Variants in RNF6 observed in about 807,000 individuals in gnomAD.
RNF6 encodes the protein E3 ubiquitin-protein ligase RNF6.
Under a neutral mutation model 50.1 loss-of-function variants are expected in RNF6, and 21 were observed. The ratio of observed to expected loss-of-function variants is 0.42; its 90% CI spans 0.30 to 0.60. RNF6 has a LOEUF of 0.60. RNF6 is among the 20% of genes least tolerant of loss of function. The probability of loss-of-function intolerance (pLI) is 0.20; values close to 1 mark genes in which losing one functional copy is unlikely to be tolerated. For synonymous variants in RNF6, 255 were observed against 291.8 expected (o/e 0.87, Z 1.29); for missense variants, 698 against 838.2 (o/e 0.83, Z 2.07).
At chr13:26,157,597 GCAAAAAAAGC>G (rs1336832096) in intron 5 of RNF6, among the ~76,000 whole-genome samples, 1 of 151,930 alleles carries the variant, frequency 6.6e-6, no homozygotes, top group Admixed American at 6.6e-5. Flanking sequence ...TTTAAAAGGG[GCAAAAAAAGC>G]CAAACAAGTC....
Position 26,215,610 on chromosome 13 carries a change from T to A in RNF6, c.290-18A>T. On this transcript the variant is annotated intron_variant, in intron 4 of 4. Transcript: ENST00000381588. ...TTCTGAGTCTAGAAAGCAAAGCAAA[T>A]CAACTTAAGATCAATTCCTAAGACA... 1 of 1,575,388 alleles carries A rather than the reference T, an allele frequency of 6.3e-7. No individual in the cohort carries two copies. Among genetic ancestry groups the A allele is most frequent in the East Asian group, 2.2e-5 (1 of 44,722 alleles).
At chr13:26,147,652 C>A (rs952767645) in intron 5 of RNF6, among the ~76,000 whole-genome samples, 2 of 152,142 alleles carry the variant, frequency 1.3e-5, no homozygotes, top group Non-Finnish European at 2.9e-5. Flanking sequence ...TCATTCTTTC[C>A]CAATCCATGT....
chr13:26,146,677 A>G (rs1871263227), intron 5 of RNF6, among the ~76,000 whole-genome samples: 1 of 152,138 alleles, frequency 6.6e-6, no homozygotes, highest in Non-Finnish European at 1.5e-5. Flanking sequence ...TTCTCTATGG[A>G]CCACCTTTTC....
chr13:26,155,471 G>A (rs1319554811), intron 5 of RNF6, among the ~76,000 whole-genome samples: 2 of 152,062 alleles, frequency 1.3e-5, no homozygotes, highest in Non-Finnish European at 2.9e-5. Context: ...GTGGAGGATG[G>A]GGCAATAATA....
chr13:26,184,722 T>C (rs1322098647), intron 5 of RNF6, among the ~76,000 whole-genome samples: 1 of 152,186 alleles, frequency 6.6e-6, no homozygotes, highest in Admixed American at 6.5e-5. Context: ...CTCTGCCTTT[T>C]AAAGCTGTTC....
At chr13:26,179,114 A>G (rs959077) in intron 5 of RNF6, among the ~76,000 whole-genome samples, 57,099 of 152,040 alleles carry the variant, frequency 0.38, 11,829 homozygotes, top group East Asian at 0.7. Flanking sequence ...TTTCTGCTAA[A>G]GTTCCTAGTC....
At chr13:26,170,825 C>T (rs1431174741) in intron 5 of RNF6, among the ~76,000 whole-genome samples, 1 of 152,216 alleles carries the variant, frequency 6.6e-6, no homozygotes, top group Non-Finnish European at 1.5e-5. Context: ...ATTGGAGCCA[C>T]ACTTGTAAGT....
At chr13:26,175,760 C>T (rs913690807) in intron 5 of RNF6, among the ~76,000 whole-genome samples, 5 of 152,122 alleles carry the variant, frequency 3.3e-5, no homozygotes, top group Admixed American at 6.5e-5. Context: ...CCTCCTCCTA[C>T]GCAAGTGTGC....
chr13:26,157,213 A>T (rs1871973524), intron 5 of RNF6, among the ~76,000 whole-genome samples: 1 of 152,186 alleles, frequency 6.6e-6, no homozygotes, highest in Admixed American at 6.5e-5. Flanking sequence ...AATTGGGCAA[A>T]TTAAATGATA....
intron 5 of RNF6, among the ~76,000 whole-genome samples, chr13:26,179,849 C>T (rs1027604415): frequency 1.3e-5 from 2 of 152,192 alleles, no homozygotes; most frequent in African/African-American, 4.8e-5. Flanking sequence ...CTTCACTAGG[C>T]CCAGGAGGAC....
intron 5 of RNF6, among the ~76,000 whole-genome samples, chr13:26,202,979 T>G (rs1868951995): frequency 6.6e-6 from 1 of 152,240 alleles, no homozygotes; most frequent in Admixed American, 6.5e-5. Context: ...TATACCTGTA[T>G]CATCTTACTT....
At chr13:26,133,221 C>A (rs1870480529) in intron 5 of RNF6, among the ~76,000 whole-genome samples, 1 of 152,120 alleles carries the variant, frequency 6.6e-6, no homozygotes, top group Non-Finnish European at 1.5e-5. Context: ...TTCAAATTAC[C>A]TTTCCCCTAT....
chr13:26,159,136 T>C (rs1872081947), intron 5 of RNF6, among the ~76,000 whole-genome samples: 1 of 152,150 alleles, frequency 6.6e-6, no homozygotes. Flanking sequence ...TGTGTAAATA[T>C]GAAAACAGTT....
chr13:26,156,961 C>T lies in RNF6; in HGVS notation n.769-24510G>A, dbSNP rs185302939. Among the ~76,000 whole-genome samples, 690 of 152,228 alleles carry T rather than the reference C, an allele frequency of 4.5e-3. 5 individuals are homozygous for T. Among genetic ancestry groups the T allele is most frequent in the Middle Eastern group, 0.027 (8 of 294 alleles). ...AATTAAAAAATAAATTAAGCTGGGT[C>T]TCTACCTTATTCTTTACACCAAAAT... is the stretch of plus-strand genomic sequence containing the variant. On this transcript the variant is annotated intron_variant and non_coding_transcript_variant, in intron 5 of 5. Transcript: ENST00000468480.
chr13:26,188,623 C>CTTTTTTTTTTTTTTTTTTTTTTT (rs1163881143), intron 5 of RNF6, among the ~76,000 whole-genome samples: 3 of 43,258 alleles, frequency 6.9e-5, no homozygotes, highest in African/African-American at 2.2e-4. Flanking sequence ...GTCAAAAGAG[C>CTTTTTTTTTTTTTTTTTTTTTTT]TTTTTTTTTT....
intron 5 of RNF6, among the ~76,000 whole-genome samples, chr13:26,138,933 G>A (rs777534883): frequency 6.6e-5 from 10 of 152,094 alleles, no homozygotes; most frequent in Non-Finnish European, 1.5e-4. Flanking sequence ...CTGGTCAGAC[G>A]GGTATCCTCA....
intron 5 of RNF6, among the ~76,000 whole-genome samples, chr13:26,155,784 G>A (rs1871888992): frequency 6.6e-6 from 1 of 152,202 alleles, no homozygotes; most frequent in Admixed American, 6.5e-5. Flanking sequence ...TGTTTCCATG[G>A]GTTGTATGGA....
At chr13:26,173,779 C>T (rs969363353) in intron 5 of RNF6, among the ~76,000 whole-genome samples, 12 of 151,792 alleles carry the variant, frequency 7.9e-5, no homozygotes, top group South Asian at 4.2e-4. Context: ...GGTGAAACCC[C>T]GGCTCTACTA....
At chr13:26,181,247 C>T (rs12430350) in intron 5 of RNF6, among the ~76,000 whole-genome samples, 57,062 of 151,942 alleles carry the variant, frequency 0.38, 11,826 homozygotes, top group East Asian at 0.7. Flanking sequence ...TGGGGTACTA[C>T]AATGGCCTGA....
Sources: allele counts gnomAD v4.1 joint callset (sites outside exome capture counted in the v4.1 genomes callset), GRCh38; gene constraint gnomAD v4.1.1; transcripts MANE v1.5; gene names NCBI Gene and HGNC (gene_info 2026-07-23, HGNC 2026-07-21).